Variants in TSPAN11 observed in about 807,000 individuals in gnomAD.
TSPAN11 encodes tetraspanin-11.
A neutral mutation model predicts 32.9 loss-of-function variants in TSPAN11; 29 were observed. That is an observed-to-expected ratio of 0.88 (90% confidence interval 0.66 to 1.20). The LOEUF (loss-of-function observed/expected upper bound fraction) is 1.20. Among genes scored for constraint, TSPAN11 ranks in the 50% most tolerant of loss-of-function variants. The pLI is 0.00. For missense variants in TSPAN11, 283 were observed against 329.1 expected (o/e 0.86, Z 1.08); for synonymous variants, 140 against 141.3 (o/e 0.99, Z 0.07).
At chr12:30,949,129 A>G (rs1006527786) in intron 1 of TSPAN11, among the ~76,000 whole-genome samples, 1 of 151,624 alleles carries the variant, frequency 6.6e-6, no homozygotes, top group Admixed American at 6.6e-5. Context: ...TATTGTTCAT[A>G]TCACCATCAA....
intron 1 of TSPAN11, among the ~76,000 whole-genome samples, chr12:30,928,504 C>T (rs573321904): frequency 1.1e-4 from 17 of 152,294 alleles, no homozygotes; most frequent in Non-Finnish European, 2.4e-4. Flanking sequence ...CAGACGGCAC[C>T]GAATTCCAGG....
At chr12:30,935,832 A>G (rs1446426012) in intron 1 of TSPAN11, among the ~76,000 whole-genome samples, 1 of 152,108 alleles carries the variant, frequency 6.6e-6, no homozygotes, top group Non-Finnish European at 1.5e-5. Context: ...GTCAGCTGCC[A>G]TGGACTGACC....
intron 4 of TSPAN11, 44 bp from the exon 5 acceptor site, chr12:30,979,522 G>T (rs771090019): frequency 1.1e-5 from 18 of 1,587,168 alleles, no homozygotes; most frequent in Non-Finnish European, 1.6e-5. Flanking sequence ...GGGCAGGGGT[G>T]GGGCTGGTCC....
chr12:30,950,737 C>G (rs955137880), intron 1 of TSPAN11, among the ~76,000 whole-genome samples: 5 of 152,150 alleles, frequency 3.3e-5, no homozygotes, highest in African/African-American at 1.2e-4. Context: ...CCCTTTTCAA[C>G]CCATGGTTTC....
At chr12:31,012,813 A>G in the TSPAN11 span, 1 of 152,186 alleles carries the variant, frequency 6.6e-6, no homozygotes, top group East Asian at 1.9e-4. Context: ...TTGTATTTAT[A>G]CTGATGGAAA....
intron 1 of TSPAN11, among the ~76,000 whole-genome samples, chr12:30,932,996 C>T (rs1937964920): frequency 6.6e-6 from 1 of 152,202 alleles, no homozygotes; most frequent in African/African-American, 2.4e-5. Context: ...ACGTGGTCCA[C>T]AATGAAGGCT....
chr12:30,928,550 C>T (rs779603351), intron 1 of TSPAN11, among the ~76,000 whole-genome samples: 1 of 152,176 alleles, frequency 6.6e-6, no homozygotes, highest in Admixed American at 6.5e-5. Flanking sequence ...TCGGATGTCA[C>T]CTGTCACTGA....
At chr12:30,930,063 C>A (rs1179518415) in intron 1 of TSPAN11, among the ~76,000 whole-genome samples, 2 of 152,088 alleles carry the variant, frequency 1.3e-5, no homozygotes, top group Non-Finnish European at 2.9e-5. Flanking sequence ...GAGAACTGGA[C>A]CCTCTGTTCA....
At chr12:30,998,292 T>G (rs890566347), downstream of TSPAN11, among the ~76,000 whole-genome samples, 3 of 152,198 alleles carry the variant, frequency 2.0e-5, no homozygotes, top group Non-Finnish European at 4.4e-5. Flanking sequence ...GTGCCTTTGG[T>G]GGCTGCTGGC....
chr12:30,960,072 C>T (rs1003715257), intron 2 of TSPAN11, among the ~76,000 whole-genome samples: 4 of 126,660 alleles, frequency 3.2e-5, no homozygotes, highest in African/African-American at 1.2e-4. Context: ...GGAATTGGCA[C>T]ATGGTTGTCA....
At chr12:30,961,851 C>A (rs1938619879) in intron 2 of TSPAN11, among the ~76,000 whole-genome samples, 1 of 151,982 alleles carries the variant, frequency 6.6e-6, no homozygotes, top group South Asian at 2.1e-4. Context: ...CTGAAGGGGG[C>A]AAAAAGAATT....
At chr12:30,929,108 G>A (rs940224476) in intron 1 of TSPAN11, among the ~76,000 whole-genome samples, 5 of 152,188 alleles carry the variant, frequency 3.3e-5, no homozygotes, top group South Asian at 4.1e-4. Flanking sequence ...CCAGCAGCTC[G>A]GGGTCAATCT....
the TSPAN11 span, among the ~76,000 whole-genome samples, chr12:31,004,873 C>A: frequency 2.6e-5 from 4 of 152,242 alleles, no homozygotes. Context: ...CCAGGGGACC[C>A]CCACTGCTCT....
Position 30,992,966 on chromosome 12 carries a change from T to G in TSPAN11, c.*1051T>G, listed in dbSNP as rs1336114218. On this transcript the variant is annotated 3_prime_UTR_variant, in exon 8 of 8. Coordinates refer to ENST00000546076, the MANE Select transcript of TSPAN11 (RefSeq NM_001370302.1). ...CCTAGAGTGGACAGAGCTTTTTCCT[T>G]GGGTTCTCTCTTGCATCACTAAGTT... 1 of 152,204 alleles carries G rather than the reference T, an allele frequency of 6.6e-6. No individual in the cohort carries two copies. Among genetic ancestry groups the G allele is most frequent in the East Asian group, 1.9e-4 (1 of 5,184 alleles). 9.4% of individuals were successfully genotyped at this position (152,204 alleles called of 1,614,324 possible).
At chr12:30,932,856 C>T (rs1263334105) in intron 1 of TSPAN11, among the ~76,000 whole-genome samples, 1 of 152,326 alleles carries the variant, frequency 6.6e-6, no homozygotes. Context: ...TCAAATCCTC[C>T]TATCTGGGAA....
chr12:30,952,899 G>A (rs1214342662), intron 1 of TSPAN11, among the ~76,000 whole-genome samples: 2 of 152,204 alleles, frequency 1.3e-5, no homozygotes, highest in Non-Finnish European at 2.9e-5. Context: ...TTCTTAAAGA[G>A]CAACTACTCT....
At chr12:30,931,662 C>CTG (rs1289095541) in intron 1 of TSPAN11, among the ~76,000 whole-genome samples, 1 of 151,866 alleles carries the variant, frequency 6.6e-6, no homozygotes, top group Non-Finnish European at 1.5e-5. Context: ...GGCAGATCAC[C>CTG]TGAGGTCAGG....
At chr12:30,935,373 GTTTT>G (rs35076467) in intron 1 of TSPAN11, among the ~76,000 whole-genome samples, 20 of 120,918 alleles carry the variant, frequency 1.7e-4, no homozygotes, top group Non-Finnish European at 1.5e-4. Context: ...TGCTTTGTGG[GTTTT>G]TTTTTTTTTT....
chr12:30,987,929 CTTT>C (rs1161168986), intron 7 of TSPAN11, among the ~76,000 whole-genome samples: 1 of 152,242 alleles, frequency 6.6e-6, no homozygotes, highest in African/African-American at 2.4e-5. Flanking sequence ...CATTCAAGAA[CTTT>C]TTAACAATTT....
Sources: allele counts gnomAD v4.1 joint callset (sites outside exome capture counted in the v4.1 genomes callset), GRCh38; gene constraint gnomAD v4.1.1; transcripts MANE v1.5; gene names NCBI Gene and HGNC (gene_info 2026-07-23, HGNC 2026-07-21).